ENPP3: variants seen among roughly 807,000 people sequenced by gnomAD.
ENPP3 encodes the protein ectonucleotide pyrophosphatase/phosphodiesterase 3, also known as ectonucleotide pyrophosphatase/phosphodiesterase family member 3.
Under a neutral mutation model 117.8 loss-of-function variants are expected in ENPP3, and 104 were observed. The ratio of observed to expected loss-of-function variants is 0.88; its 90% CI spans 0.75 to 1.04. ENPP3 has a LOEUF of 1.04. ENPP3 is among the 50% of genes least tolerant of loss of function. The pLI is 0.00. For missense variants in ENPP3, 1,026 were observed against 1,051.9 expected, an observed-to-expected ratio of 0.98 and a Z score of 0.34; for synonymous variants, 380 against 349.9, an observed-to-expected ratio of 1.09 and a Z score of -0.96.
intron 8 of ENPP3, 27 bp downstream of exon 8, chr6:131,674,308 T>C (rs1379043275): frequency 1.9e-6 from 3 of 1,609,848 alleles, no homozygotes; most frequent in Non-Finnish European, 2.6e-6. Context: ...ACGTCGCAAC[T>C]GAAGTAACCT....
At chr6:131,737,496 AACACAT>A in intron 22 of ENPP3, 64 bp downstream of exon 22, 1 of 920,794 alleles carries the variant, frequency 1.1e-6, no homozygotes, top group Non-Finnish European at 1.7e-6. Context: ...TTCCAAACTA[AACACAT>A]ATTTTTTTAA....
At position 131,685,496 on chromosome 6, in the gene ENPP3, G is replaced by GT; in HGVS notation, c.1252+2dup. ...AATATACCTCATGACTTTTTTAGTT[G>GT]TAAGTATGAAGACACCTATATGAAA... On this transcript the variant is annotated splice_donor_variant, in intron 13 of 24. Coordinates refer to ENST00000357639, the MANE Select transcript of ENPP3 (RefSeq NM_005021.5). LOFTEE classifies it high-confidence loss of function. 1 of 1,612,998 alleles carries GT rather than the reference G, an allele frequency of 6.2e-7. No individual in the cohort carries two copies. The highest frequency in any genetic ancestry group is 8.5e-7 in the Non-Finnish European group (1 of 1,179,646).
chr6:131,698,104 T>G (rs898072924), intron 15 of ENPP3, among the ~76,000 whole-genome samples: 1 of 151,966 alleles, frequency 6.6e-6, no homozygotes, highest in Non-Finnish European at 1.5e-5. Context: ...TGTGTGTGGG[T>G]GTGTGTGTGT....
At chr6:131,743,584 C>T (rs373155686) in intron 24 of ENPP3, among the ~76,000 whole-genome samples, 2 of 152,040 alleles carry the variant, frequency 1.3e-5, no homozygotes, top group Admixed American at 6.6e-5. Flanking sequence ...AATCACAGCA[C>T]TTTGGGAGGC....
At chr6:131,701,298 A>T in intron 15 of ENPP3, 2 of 1,555,372 alleles carry the variant, frequency 1.3e-6, no homozygotes, top group South Asian at 2.2e-5. Context: ...CAGGGTGAAG[A>T]CGTAGAACAG....
intron 1 of ENPP3, chr6:131,638,693 G>A (rs1358150906): frequency 4.1e-6 from 1 of 243,526 alleles, no homozygotes; most frequent in Admixed American, 5.4e-5. Context: ...CCAAAGTGCT[G>A]GGACTACAGG....
intron 6 of ENPP3, 146 bp from the exon 7 acceptor site, chr6:131,671,102 G>C (rs1173472023): frequency 1.6e-6 from 1 of 609,088 alleles, no homozygotes; most frequent in East Asian, 2.9e-5. Context: ...GAAGCTTAGA[G>C]ACCAGAATTT....
intron 2 of ENPP3, among the ~76,000 whole-genome samples, chr6:131,649,295 C>T (rs888043431): frequency 6.6e-6 from 1 of 152,128 alleles, no homozygotes; most frequent in African/African-American, 2.4e-5. Context: ...TCTTTAATGG[C>T]TTCCTGTTAC....
chr6:131,668,301 T>C (rs1778663706), intron 6 of ENPP3, among the ~76,000 whole-genome samples: 1 of 145,334 alleles, frequency 6.9e-6, no homozygotes, highest in African/African-American at 2.6e-5. Flanking sequence ...TAACCTCCGC[T>C]TCTCGGGTTC....
At position 131,740,248 on chromosome 6, in the gene ENPP3, C is replaced by T. The variant is rs568565835; in HGVS notation, c.2325C>T (p.Pro775=). The T allele has an allele frequency of 3.4e-5, 54 of 1,605,586 alleles. 1 individual carries two copies. The highest frequency in any genetic ancestry group is 3.1e-4 in the South Asian group (28 of 89,336). ...GACATTTAGCCAACACTGATGTTCC[C>T]ATCCCAACACACTACTTTGTGGTGC... The part of the protein sequence containing the change: ...ITKHLANTDV[P]IPTHYFVVLT... Residue 775 remains proline, a synonymous_variant, in exon 24 of 25, where the codon CCC becomes CCT. Coordinates refer to ENST00000357639, the MANE Select transcript of ENPP3 (RefSeq NM_005021.5).
chr6:131,727,247 GA>G (rs1349849598), intron 20 of ENPP3, among the ~76,000 whole-genome samples: 2 of 152,046 alleles, frequency 1.3e-5, no homozygotes, highest in African/African-American at 2.4e-5. Context: ...ATGCAATAAG[GA>G]AAATGTAAAT....
rs2286452 is a variant in ENPP3 at position 131,676,848 on chromosome 6, G to C, written c.938+47G>C. Reference sequence around the variant, plus strand: ...GTGCTGGCATAGTGGCATATATATGGGTAAAAAATGAAGTTTTTTTTTTTT... The same window carrying C: ...GTGCTGGCATAGTGGCATATATATGCGTAAAAAATGAAGTTTTTTTTTTTT... On this transcript the variant is annotated intron_variant, in intron 10 of 24. Transcript: ENST00000357639. 6.2e-4 allele frequency: 776 copies of C among 1,246,980 alleles called. 5 individuals are homozygous for C. The East Asian group carries it at 0.015, about 24-fold the overall frequency. The allele number at this position is 1,246,980 out of a possible 1,614,324, so 77.2% of individuals were successfully genotyped here.
At chr6:131,689,689 T>C (rs555615763) in intron 14 of ENPP3, among the ~76,000 whole-genome samples, 103 of 152,338 alleles carry the variant, frequency 6.8e-4, no homozygotes, top group African/African-American at 2.2e-3. Flanking sequence ...CTTTCAAGTC[T>C]TATTCTTTAA....
At position 131,722,285 on chromosome 6, in the gene ENPP3, T is replaced by C. The variant is rs767741070; in HGVS notation, c.1626T>C (p.Leu542=). ...NNGTHGSLNH[L]LKVPFYEPSH... is the part of the protein sequence containing the mutation. The stretch of plus-strand genomic sequence containing the variant: ...GAACCCATGGTAGTTTAAACCATCT[T>C]CTGAAGGTGCCTTTTTATGAGCCAT... Residue 542 remains leucine, a synonymous_variant, in exon 18 of 25, where the codon CTT becomes CTC. Coordinates refer to ENST00000357639, the MANE Select transcript of ENPP3 (RefSeq NM_005021.5). 2.7e-5 allele frequency: 44 copies of C among 1,613,990 alleles called. No individual in the cohort carries two copies. Among genetic ancestry groups the C allele is most frequent in the Non-Finnish European group, 3.5e-5 (41 of 1,179,960 alleles).
At chr6:131,666,457 C>G (rs569304045) in intron 6 of ENPP3, among the ~76,000 whole-genome samples, 34 of 152,230 alleles carry the variant, frequency 2.2e-4, no homozygotes, top group African/African-American at 8.2e-4. Flanking sequence ...GGTTCTTTCT[C>G]TTTTTCTTCT....
chr6:131,733,491 C>A, intron 20 of ENPP3, 97 bp from the exon 21 acceptor site: 1 of 1,346,570 alleles, frequency 7.4e-7, no homozygotes, highest in Non-Finnish European at 1.0e-6. Context: ...ATAGGAAAAG[C>A]TTAAATGAAA....
At chr6:131,729,738 A>G (rs1780235334) in intron 20 of ENPP3, among the ~76,000 whole-genome samples, 1 of 152,088 alleles carries the variant, frequency 6.6e-6, no homozygotes, top group African/African-American at 2.4e-5. Context: ...TGGGCTGCCT[A>G]TTGCATAATC....
chr6:131,737,394 T>G lies in ENPP3; in HGVS notation c.2129T>G (p.Ile710Ser). The change falls in exon 22 of 25, where the codon ATT (isoleucine) becomes AGT (serine). Residue 710 changes from isoleucine (I) to serine (S), a missense_variant. Physicochemically the swap from Ile to Ser is moderately radical, Grantham distance 142. Coordinates refer to ENST00000357639, the MANE Select transcript of ENPP3 (RefSeq NM_005021.5). ...RTSDSQYDAL[I>S]TSNLVPMYEE... Reference sequence around the variant, plus strand: ...TCAGATAGCCAATATGATGCTTTAATTACTAGCAATTTGGTACCTATGTAT... The same window carrying G: ...TCAGATAGCCAATATGATGCTTTAAGTACTAGCAATTTGGTACCTATGTAT... 1.2e-6 allele frequency: 2 copies of G among 1,608,160 alleles called. No individual in the cohort carries two copies. The highest frequency in any genetic ancestry group is 1.7e-6 in the Non-Finnish European group (2 of 1,175,538).
Position 131,746,886 on chromosome 6 carries a change from A to G in ENPP3, c.2558A>G (p.Asp853Gly). ...ELLTGLDFYQ[D>G]KVQPVSEILQ... Reference sequence around the variant, plus strand: ...CTCACTGGGCTTGACTTCTATCAGGATAAAGTGCAGCCTGTCTCTGAAATT... The same window carrying G: ...CTCACTGGGCTTGACTTCTATCAGGGTAAAGTGCAGCCTGTCTCTGAAATT... Residue 853 changes from aspartate (D) to glycine (G), a missense_variant, in exon 25 of 25, where the codon GAT becomes GGT. Asp to Gly is a moderately conservative substitution (Grantham distance 94). Transcript: ENST00000357639. The G allele has an allele frequency of 6.2e-7, 1 of 1,612,906 alleles. No individual in the cohort carries two copies. The highest frequency in any genetic ancestry group is 1.7e-5 in the Admixed American group (1 of 59,876).
Sources: gnomAD v4.1 joint callset for allele counts (sites outside exome capture counted in the v4.1 genomes callset) on GRCh38, gnomAD v4.1.1 for gene constraint, MANE v1.5 for transcripts, NCBI Gene and HGNC (gene_info 2026-07-23, HGNC 2026-07-21) for gene names.